Variants in TMEM68 observed in about 807,000 individuals in gnomAD.
TMEM68 encodes transmembrane protein 68.
TMEM68 carries 25 observed loss-of-function variants against 36.9 expected under a neutral mutation model. The observed-to-expected ratio is 0.68, with a 90% CI of 0.49 to 0.95. The LOEUF is 0.95. TMEM68 is among the 40% of genes least tolerant of loss of function. The pLI is 0.00. For synonymous variants in TMEM68, 131 were observed against 124.4 expected, an observed-to-expected ratio of 1.05 and a Z score of -0.35; for missense variants, 333 against 392.0, an observed-to-expected ratio of 0.85 and a Z score of 1.27.
Position 55,767,923 on chromosome 8 carries a change from C to T in TMEM68, c.-114-3943G>A, listed in dbSNP as rs138820553. ...TGCACTCCAGCCTGGGCAACAACAG[C>T]GAAACTCAGTCTCAAAAAAAAAAAA... is the stretch of plus-strand genomic sequence containing the variant. On this transcript the variant is annotated intron_variant, in intron 1 of 7. Transcript: ENST00000434581. Among the ~76,000 whole-genome samples, 1,216 of 151,734 alleles carry T rather than the reference C, an allele frequency of 8.0e-3. 19 individuals carry two copies. Among genetic ancestry groups the T allele is most frequent in the Admixed American group, 0.041 (630 of 15,256 alleles).
chr8:55,760,025 A>C (rs567462387), intron 3 of TMEM68, among the ~76,000 whole-genome samples: 5 of 152,336 alleles, frequency 3.3e-5, no homozygotes, highest in Non-Finnish European at 5.9e-5. Context: ...AGAAGGGATG[A>C]CATCTGGAAG....
chr8:55,743,721 A>G (rs1810176094), intron 6 of TMEM68, 101 bp from the exon 7 acceptor site: 1 of 1,093,532 alleles, frequency 9.1e-7, no homozygotes, highest in Non-Finnish European at 1.3e-6. Flanking sequence ...GAAGGTGGCA[A>G]AAAGTATCAC....
chr8:55,744,931 A>C, intron 6 of TMEM68, 130 bp downstream of exon 6: 1 of 540,210 alleles, frequency 1.9e-6, no homozygotes, highest in Non-Finnish European at 3.0e-6. Flanking sequence ...TGGACTTTAA[A>C]CAGAAAAACG....
At chr8:55,771,645 G>A (rs1563443241) in intron 1 of TMEM68, among the ~76,000 whole-genome samples, 2 of 151,958 alleles carry the variant, frequency 1.3e-5, no homozygotes, top group African/African-American at 4.8e-5. Flanking sequence ...AATAAATAAA[G>A]TATATCTATT....
At chr8:55,751,410 CTTGGGCTTACAGAATAA>C in intron 4 of TMEM68, 1 of 422,548 alleles carries the variant, frequency 2.4e-6, no homozygotes. Flanking sequence ...AATGAGAAAA[CTTGGGCTTACAGAATAA>C]TAGCTTGCTC....
At chr8:55,772,365 A>G (rs1585742717) in intron 1 of TMEM68, among the ~76,000 whole-genome samples, 2 of 152,338 alleles carry the variant, frequency 1.3e-5, no homozygotes, top group East Asian at 1.9e-4. Context: ...TTCAAGTCTG[A>G]GCTTGTCTCT....
At chr8:55,747,753 G>T (rs187022191) in intron 5 of TMEM68, 2 of 152,036 alleles carry the variant, frequency 1.3e-5, no homozygotes, top group African/African-American at 4.8e-5. Context: ...AACTAGTTTT[G>T]TAAAATAAAA....
chr8:55,751,194 A>C (rs965405562), intron 4 of TMEM68, 37 bp from the exon 5 acceptor site: 2 of 1,528,304 alleles, frequency 1.3e-6, no homozygotes, highest in African/African-American at 2.8e-5. Context: ...CAACATAAGT[A>C]TTTCTTGTTT....
chr8:55,754,466 T>TATATATATATATATATATAC (rs1346601089), intron 4 of TMEM68, among the ~76,000 whole-genome samples: 1 of 118,960 alleles, frequency 8.4e-6, no homozygotes, highest in African/African-American at 3.6e-5. Context: ...TATATATATA[T>TATATATATATATATATATAC]ACACACACAC....
At chr8:55,757,055 C>T (rs1192617819) in intron 3 of TMEM68, among the ~76,000 whole-genome samples, 1 of 152,056 alleles carries the variant, frequency 6.6e-6, no homozygotes, top group African/African-American at 2.4e-5. Context: ...GTAAGAATAA[C>T]GGGAGCCAGG....
At chr8:55,755,962 T>TTA (rs1321455277) in intron 4 of TMEM68, among the ~76,000 whole-genome samples, 2 of 151,884 alleles carry the variant, frequency 1.3e-5, no homozygotes, top group African/African-American at 2.4e-5. Flanking sequence ...AAACATTATA[T>TTA]TGTATGCCAT....
At chr8:55,771,282 G>A (rs1811150084) in intron 1 of TMEM68, among the ~76,000 whole-genome samples, 1 of 151,946 alleles carries the variant, frequency 6.6e-6, no homozygotes, top group South Asian at 2.1e-4. Context: ...AGAACTTTTT[G>A]GCTTTCAATA....
intron 5 of TMEM68, among the ~76,000 whole-genome samples, chr8:55,749,056 A>C (rs1810362215): frequency 6.6e-6 from 1 of 152,214 alleles, no homozygotes; most frequent in Non-Finnish European, 1.5e-5. Flanking sequence ...GTTTTTATGG[A>C]TAAAGTGAGA....
intron 3 of TMEM68, among the ~76,000 whole-genome samples, chr8:55,759,707 T>TTA (rs1176015474): frequency 6.6e-6 from 1 of 152,240 alleles, no homozygotes; most frequent in Non-Finnish European, 1.5e-5. Context: ...GCTGTAAACT[T>TTA]TAAGTTCATT....
rs552412133 is a variant in TMEM68, at chr8:55,740,292, A to G, written c.889-74T>C. 19 of 1,071,720 alleles carry G rather than the reference A, an allele frequency of 1.8e-5. No individual in the cohort carries two copies. In the South Asian group the frequency reaches 2.4e-4, roughly 14 times the overall value. 66.4% of individuals were successfully genotyped at this position (1,071,720 alleles called of 1,614,324 possible). ...ACTGATTTATCTCCCATTACCCCTC[A>G]GAATTAATGATTTCCTTCTCAGTAC... On this transcript the variant is annotated intron_variant, in intron 7 of 7. Transcript: ENST00000434581.
chr8:55,757,978 G>C (rs1412313876), intron 3 of TMEM68, among the ~76,000 whole-genome samples: 1 of 152,106 alleles, frequency 6.6e-6, no homozygotes, highest in Non-Finnish European at 1.5e-5. Context: ...CTATACCCCA[G>C]CACCAGGGGG....
chr8:55,741,196 CACTGT>C (rs1810092561), intron 7 of TMEM68, among the ~76,000 whole-genome samples: 2 of 152,166 alleles, frequency 1.3e-5, no homozygotes, highest in Admixed American at 1.3e-4. Flanking sequence ...CGCGCCATTG[CACTGT>C]AGCCTGGGCA....
chr8:55,767,390 G>C (rs1811004847), intron 1 of TMEM68, among the ~76,000 whole-genome samples: 1 of 152,076 alleles, frequency 6.6e-6, no homozygotes, highest in Non-Finnish European at 1.5e-5. Flanking sequence ...AGAGTTGCAG[G>C]AAGAACAGGT....
chr8:55,745,949 T>A (rs1810257128), intron 5 of TMEM68: 1 of 152,024 alleles, frequency 6.6e-6, no homozygotes. Flanking sequence ...GTCTATTAAA[T>A]CTAAAATACT....
Sources: gnomAD v4.1 joint callset for allele counts (sites outside exome capture counted in the v4.1 genomes callset) on GRCh38, gnomAD v4.1.1 for gene constraint, MANE v1.5 for transcripts, NCBI Gene and HGNC (gene_info 2026-07-23, HGNC 2026-07-21) for gene names.